Variants in ZFAND4 observed in about 807,000 individuals in gnomAD.
ZFAND4 encodes AN1-type zinc finger protein 4.
A neutral mutation model predicts 64.4 loss-of-function variants in ZFAND4; 43 were observed. The ratio of observed to expected loss-of-function variants is 0.67; its 90% CI spans 0.52 to 0.86. The LOEUF is 0.86. Ranked by LOEUF, ZFAND4 falls within the 40% of genes least tolerant of loss-of-function variation. The probability of loss-of-function intolerance (pLI) is 0.00; values close to 1 mark genes in which losing one functional copy is unlikely to be tolerated. For synonymous variants in ZFAND4, 296 were observed against 305.7 expected (o/e 0.97, Z 0.33); for missense variants, 929 against 859.8 (o/e 1.08, Z -1.01).
chr10:45,643,148 G>C (rs1413899385), intron 5 of ZFAND4, among the ~76,000 whole-genome samples: 1 of 149,854 alleles, frequency 6.7e-6, no homozygotes, highest in Non-Finnish European at 1.5e-5. Context: ...TCAAACTCCT[G>C]ACCTCAGGTG....
intron 2 of ZFAND4, among the ~76,000 whole-genome samples, chr10:45,656,501 CAAAAAAAA>C (rs541781976): frequency 1.2e-4 from 3 of 24,712 alleles, no homozygotes; most frequent in Non-Finnish European, 2.1e-4. Flanking sequence ...GAACCTGTCT[CAAAAAAAA>C]AAAAAAAAAA....
chr10:45,665,818 T>C (rs1344047490), intron 1 of ZFAND4, among the ~76,000 whole-genome samples: 1 of 152,256 alleles, frequency 6.6e-6, no homozygotes, highest in Non-Finnish European at 1.5e-5. Context: ...AATAGAATCA[T>C]ATATGATTTT....
At chr10:45,661,310 T>C (rs556035991) in intron 2 of ZFAND4, among the ~76,000 whole-genome samples, 1 of 152,250 alleles carries the variant, frequency 6.6e-6, no homozygotes, top group African/African-American at 2.4e-5. Flanking sequence ...TCCAGTCCCT[T>C]TTTCAAGGCC....
chr10:45,621,295 T>C (rs1430119056), intron 8 of ZFAND4, among the ~76,000 whole-genome samples: 2 of 152,024 alleles, frequency 1.3e-5, no homozygotes, highest in East Asian at 3.9e-4. Flanking sequence ...TTCAGAATGA[T>C]AGTTATTACA....
intron 6 of ZFAND4, among the ~76,000 whole-genome samples, chr10:45,630,267 A>C (rs1161170796): frequency 6.6e-6 from 1 of 152,192 alleles, no homozygotes; most frequent in Admixed American, 6.5e-5. Context: ...TCAAATCATA[A>C]ATGCAAAAAC....
chr10:45,619,538 G>A (rs1315423244), intron 8 of ZFAND4, among the ~76,000 whole-genome samples: 2 of 152,118 alleles, frequency 1.3e-5, no homozygotes, highest in Non-Finnish European at 2.9e-5. Flanking sequence ...ACAAGTGGAA[G>A]GAGTGAGGAA....
In ZFAND4 at chr10:45,652,135, C is replaced by G. The variant is rs549421802; in HGVS notation, c.261-102G>C. The G allele has an allele frequency of 2.4e-5, 25 of 1,025,834 alleles. No individual in the cohort carries two copies. In the East Asian group the frequency reaches 3.9e-4, roughly 16 times the overall value. The allele number at this position is 1,025,834 out of a possible 1,614,324, so 63.5% of individuals were successfully genotyped here. On this transcript the variant is annotated intron_variant, in intron 3 of 9. Coordinates refer to ENST00000344646, the MANE Select transcript of ZFAND4 (RefSeq NM_174890.4). ...GCTTATCAGGCAGAGTGGCCACTCT[C>G]TAAAATATAAAAAGATATAGCAATG...
In ZFAND4 at chr10:45,639,811, T is replaced by G; in HGVS notation, c.717+5A>C. On this transcript the variant is annotated splice_donor_5th_base_variant and intron_variant, in intron 6 of 9. Transcript: ENST00000344646. ...ATAAGCCTGGTCAAATGCCAACAGC[T>G]TCACCTTTTTGCTGAGATTCATGTT... 6.2e-7 allele frequency: 1 copy of G among 1,607,860 alleles called. No individual in the cohort carries two copies. The highest frequency in any genetic ancestry group is 8.5e-7 in the Non-Finnish European group (1 of 1,177,778).
At chr10:45,645,376 T>C (rs1366651617) in intron 5 of ZFAND4, among the ~76,000 whole-genome samples, 2 of 152,224 alleles carry the variant, frequency 1.3e-5, no homozygotes, top group Non-Finnish European at 2.9e-5. Context: ...GCAGTGTTAA[T>C]GGTAAACTTC....
intron 1 of ZFAND4, among the ~76,000 whole-genome samples, chr10:45,666,401 T>C (rs2048828034): frequency 6.6e-6 from 1 of 152,236 alleles, no homozygotes; most frequent in Non-Finnish European, 1.5e-5. Flanking sequence ...TAATTGGATT[T>C]TTTATTGAGT....
intron 2 of ZFAND4, among the ~76,000 whole-genome samples, chr10:45,661,679 G>A (rs1258681803): frequency 6.6e-6 from 1 of 152,122 alleles, no homozygotes; most frequent in Non-Finnish European, 1.5e-5. Flanking sequence ...GGTGGCTCAC[G>A]CCTGTAATCC....
chr10:45,642,424 G>A (rs929926277), intron 5 of ZFAND4, among the ~76,000 whole-genome samples: 3 of 151,706 alleles, frequency 2.0e-5, no homozygotes, highest in Non-Finnish European at 4.4e-5. Context: ...TGGCTAACAT[G>A]GTGAAACCCC....
chr10:45,671,930 A>G (rs2049226577), intron 1 of ZFAND4, among the ~76,000 whole-genome samples: 1 of 152,226 alleles, frequency 6.6e-6, no homozygotes, highest in Non-Finnish European at 1.5e-5. Flanking sequence ...AACAGGCAAT[A>G]GCGCTGAATA....
intron 2 of ZFAND4, among the ~76,000 whole-genome samples, chr10:45,654,090 T>C (rs1429481101): frequency 6.6e-6 from 1 of 152,182 alleles, no homozygotes; most frequent in Non-Finnish European, 1.5e-5. Context: ...ATAACATGTG[T>C]TCTCACTTAT....
chr10:45,648,202 T>C, intron 5 of ZFAND4, 92 bp downstream of exon 5: 1 of 1,282,524 alleles, frequency 7.8e-7, no homozygotes, highest in South Asian at 1.7e-5. Context: ...GACTTATATA[T>C]TGGGGGCTGG....
At chr10:45,634,485 C>A (rs2046421027) in intron 6 of ZFAND4, among the ~76,000 whole-genome samples, 1 of 149,088 alleles carries the variant, frequency 6.7e-6, no homozygotes, top group Non-Finnish European at 1.5e-5. Flanking sequence ...GCCGAGACCA[C>A]ACCACTGCAC....
intron 8 of ZFAND4, among the ~76,000 whole-genome samples, chr10:45,622,595 C>A (rs191639672): frequency 6.6e-6 from 1 of 152,312 alleles, no homozygotes; most frequent in African/African-American, 2.4e-5. Flanking sequence ...GCAGTGGTTC[C>A]ATTTCTAGAT....
intron 6 of ZFAND4, among the ~76,000 whole-genome samples, chr10:45,632,336 T>C (rs886647865): frequency 5.9e-5 from 9 of 152,244 alleles, no homozygotes; most frequent in African/African-American, 1.7e-4. Flanking sequence ...CCAGCCTGGG[T>C]GACAGGGCAA....
intron 7 of ZFAND4, 92 bp downstream of exon 7, chr10:45,625,859 C>T (rs1457252767): frequency 8.6e-7 from 1 of 1,157,822 alleles, no homozygotes; most frequent in African/African-American, 1.6e-5. Context: ...TAATCTTAGC[C>T]TTCCTTATTT....
Sources: gnomAD v4.1 joint callset for allele counts (sites outside exome capture counted in the v4.1 genomes callset) on GRCh38, gnomAD v4.1.1 for gene constraint, MANE v1.5 for transcripts, NCBI Gene and HGNC (gene_info 2026-07-23, HGNC 2026-07-21) for gene names.